The following KIF15 variants were observed in gnomAD, a reference collection of about 807,000 sequenced individuals.
KIF15 encodes kinesin-like protein KIF15.
A neutral mutation model predicts 190.6 loss-of-function variants in KIF15; 140 were observed. The ratio of observed to expected loss-of-function variants is 0.73; its 90% CI spans 0.64 to 0.84. The LOEUF is 0.84. Ranked by LOEUF, KIF15 falls within the 40% of genes least tolerant of loss-of-function variation. The pLI is 0.00. For synonymous variants in KIF15, 528 were observed against 551.3 expected (o/e 0.96, Z 0.59); for missense variants, 1,372 against 1,584.4 (o/e 0.87, Z 2.28).
At chr3:44,768,724 G>A (rs1330671515) in intron 1 of KIF15, among the ~76,000 whole-genome samples, 2 of 152,158 alleles carry the variant, frequency 1.3e-5, no homozygotes, top group Non-Finnish European at 2.9e-5. Context: ...ACTGCTTCCT[G>A]CTGACAGGGG....
At chr3:44,766,955 C>T (rs1229872549) in intron 1 of KIF15, among the ~76,000 whole-genome samples, 8 of 151,652 alleles carry the variant, frequency 5.3e-5, no homozygotes, top group South Asian at 2.1e-4. Context: ...GGACTACAGG[C>T]GCCTGCCACC....
chr3:44,794,410 A>C lies in KIF15; in HGVS notation c.833A>C (p.Glu278Ala), dbSNP rs769754468. The part of the protein sequence containing the change: ...GSERQKDTHA[E>A]GMRLKEAGNI... ...GAAAGGCAAAAAGATACCCATGCAGAAGGGATGAGATTGAAGGTAAGAATG... is the reference window on the plus strand; with the variant it reads ...GAAAGGCAAAAAGATACCCATGCAGCAGGGATGAGATTGAAGGTAAGAATG... Residue 278 changes from glutamate (E) to alanine (A), a missense_variant, in exon 8 of 35, where the codon GAA (glutamate) becomes GCA (alanine). By Grantham distance (107) the Glu-to-Ala change is moderately radical (BLOSUM62 -1). Transcript: ENST00000326047. 20 of 1,602,574 alleles carry C rather than the reference A, an allele frequency of 1.2e-5. No homozygotes were observed. In the South Asian group the frequency reaches 2.0e-4, roughly 16 times the overall value.
chr3:44,786,927 G>GT (rs764575551), intron 7 of KIF15, among the ~76,000 whole-genome samples: 2 of 152,146 alleles, frequency 1.3e-5, no homozygotes, highest in Non-Finnish European at 2.9e-5. Flanking sequence ...TTGCTTGCTT[G>GT]TTAGGTGTCA....
intron 26 of KIF15, among the ~76,000 whole-genome samples, chr3:44,833,392 C>T (rs1158146232): frequency 2.0e-5 from 3 of 151,526 alleles, no homozygotes; most frequent in Admixed American, 2.0e-4. Flanking sequence ...TACAACTCAC[C>T]GTAATGTAGA....
In KIF15 at chr3:44,797,570, G is replaced by C. The variant is rs1707048503; in HGVS notation, c.869G>C (p.Arg290Pro). Reference sequence around the variant, plus strand: ...CTTTAGGAAGCAGGTAACATAAATCGATCATTGAGCTGCCTGGGCCAAGTG... The same window carrying C: ...CTTTAGGAAGCAGGTAACATAAATCCATCATTGAGCTGCCTGGGCCAAGTG... ...MRLKEAGNIN[R>P]SLSCLGQVIT... is the part of the protein sequence containing the mutation. Residue 290 changes from arginine to proline, a missense_variant, in exon 9 of 35, where the codon CGA (arginine) becomes CCA (proline). Coordinates refer to ENST00000326047, the MANE Select transcript of KIF15 (RefSeq NM_020242.3). 6.2e-7 allele frequency: 1 copy of C among 1,613,738 alleles called. No individual in the cohort carries two copies. Among genetic ancestry groups the C allele is most frequent in the East Asian group, 2.2e-5 (1 of 44,892 alleles).
chr3:44,843,168 A>G lies in KIF15; in HGVS notation c.3629A>G (p.Gln1210Arg), dbSNP rs140313680. 1.9e-6 allele frequency: 3 copies of G among 1,613,548 alleles called. No individual in the cohort carries two copies. The African/African-American group carries it at 4.0e-5, about 22-fold the overall frequency. ...GAAAACCTACGCCTGGAAAGTCAGC[A>G]GTTAATAGAGAAAAACTGGCTCCTG... ...EMENLRLESQQLIEKNWLLQG... is the reference protein window; with the variant it reads ...EMENLRLESQRLIEKNWLLQG... The change falls in exon 30 of 35, where the codon CAG (glutamine) becomes CGG (arginine). Residue 1210 changes from glutamine (Q) to arginine (R), a missense_variant. By Grantham distance (43) the Gln-to-Arg change is conservative (BLOSUM62 1). Transcript: ENST00000326047.
chr3:44,862,108 G>A (rs1699261315), intron 6 of KIF15: 1 of 1,272,778 alleles, frequency 7.9e-7, no homozygotes. Flanking sequence ...GCTGGCCTTC[G>A]GCAGCGAGGT....
At chr3:44,861,967 A>G in intron 6 of KIF15, 1 of 1,395,868 alleles carries the variant, frequency 7.2e-7, no homozygotes, top group Non-Finnish European at 9.3e-7. Flanking sequence ...CGTGTCCGCG[A>G]CCGCGTACCC....
intron 30 of KIF15, among the ~76,000 whole-genome samples, chr3:44,846,870 G>GGGC (rs1160771598): frequency 6.6e-6 from 1 of 151,512 alleles, no homozygotes; most frequent in Non-Finnish European, 1.5e-5. Context: ...ATTAGAGAAA[G>GGGC]GGCAGACTAT....
At chr3:44,790,941 A>G (rs946289082) in intron 7 of KIF15, among the ~76,000 whole-genome samples, 3 of 152,146 alleles carry the variant, frequency 2.0e-5, no homozygotes, top group Admixed American at 6.5e-5. Context: ...TCGGCCTCCC[A>G]AAGTGCTGGG....
intron 8 of KIF15, among the ~76,000 whole-genome samples, chr3:44,796,573 TTC>T (rs1199947037): frequency 6.6e-6 from 1 of 152,236 alleles, no homozygotes; most frequent in African/African-American, 2.4e-5. Flanking sequence ...CTAACCACCT[TTC>T]TGATTTACTG....
intron 5 of KIF15, among the ~76,000 whole-genome samples, chr3:44,781,334 G>T (rs374656052): frequency 5.9e-5 from 9 of 152,158 alleles, no homozygotes; most frequent in African/African-American, 2.2e-4. Context: ...ATTTTGTTGT[G>T]TATCTTTTGT....
At chr3:44,821,372 C>T (rs553493822) in intron 20 of KIF15, among the ~76,000 whole-genome samples, 40 of 149,686 alleles carry the variant, frequency 2.7e-4, no homozygotes, top group African/African-American at 8.6e-4. Flanking sequence ...TCAGACGGGG[C>T]GGCTTCCGGG....
At chr3:44,806,101 T>A (rs969442258) in intron 16 of KIF15, 115 bp downstream of exon 16, 1 of 1,159,090 alleles carries the variant, frequency 8.6e-7, no homozygotes, top group Non-Finnish European at 1.2e-6. Flanking sequence ...TGCAGGTAAT[T>A]AACACCGGTG....
intron 16 of KIF15, 52 bp downstream of exon 16, chr3:44,806,038 T>C (rs1559550542): frequency 6.3e-7 from 1 of 1,578,928 alleles, no homozygotes. Context: ...TGTCATTTTA[T>C]TAATAATGGA....
At chr3:44,826,247 C>T in intron 21 of KIF15, 58 bp downstream of exon 21, 1 of 1,558,120 alleles carries the variant, frequency 6.4e-7, no homozygotes, top group Non-Finnish European at 8.7e-7. Context: ...GAGTGTAGGA[C>T]AAGGACTGTC....
chr3:44,790,765 T>C (rs1327898304), intron 7 of KIF15, among the ~76,000 whole-genome samples: 5 of 146,514 alleles, frequency 3.4e-5, no homozygotes, highest in Non-Finnish European at 7.4e-5. Flanking sequence ...TGATCTCGGC[T>C]CACTGCAACC....
chr3:44,773,723 T>C (rs1051955843), intron 1 of KIF15, among the ~76,000 whole-genome samples: 3 of 152,096 alleles, frequency 2.0e-5, no homozygotes, highest in African/African-American at 7.2e-5. Context: ...AAAAATATTT[T>C]TTGGTTCACA....
At chr3:44,861,544 A>ATGGACTCGGTGGGCC (rs1699245370) in intron 6 of KIF15, among the ~76,000 whole-genome samples, 1 of 152,096 alleles carries the variant, frequency 6.6e-6, no homozygotes, top group Non-Finnish European at 1.5e-5. Flanking sequence ...GTCGACGTGG[A>ATGGACTCGGTGGGCC]TGGACTCGGT....
Sources: allele counts gnomAD v4.1 joint callset (sites outside exome capture counted in the v4.1 genomes callset), GRCh38; gene constraint gnomAD v4.1.1; transcripts MANE v1.5; gene names NCBI Gene and HGNC (gene_info 2026-07-23, HGNC 2026-07-21).